CCDC148: variants seen among roughly 807,000 people sequenced by gnomAD.
CCDC148 encodes coiled-coil domain-containing protein 148.
In CCDC148, 89 loss-of-function variants were observed where a neutral mutation model predicts 85.7. The observed-to-expected ratio is 1.04, with a 90% CI of 0.87 to 1.24. The LOEUF (loss-of-function observed/expected upper bound fraction) is 1.24, where lower values mean the gene tolerates loss of function less well. Ranked by LOEUF, CCDC148 falls within the 50% of genes most tolerant of loss-of-function variation. The pLI, the probability that CCDC148 is intolerant of heterozygous loss-of-function variation, is 0.00. For missense variants in CCDC148, 692 were observed against 671.7 expected (o/e 1.03, Z -0.33); for synonymous variants, 230 against 213.9 (o/e 1.08, Z -0.66).
At chr2:158,403,907 G>T (rs1685892836) in intron 1 of CCDC148, among the ~76,000 whole-genome samples, 1 of 152,042 alleles carries the variant, frequency 6.6e-6, no homozygotes, top group Non-Finnish European at 1.5e-5. Flanking sequence ...AACAGCAAAG[G>T]CACAAACAGT....
chr2:158,227,671 A>G (rs1051437248), intron 10 of CCDC148, among the ~76,000 whole-genome samples: 5 of 152,226 alleles, frequency 3.3e-5, no homozygotes, highest in Admixed American at 6.5e-5. Flanking sequence ...CAACCATCTG[A>G]TCTTTGACAA....
chr2:158,229,548 C>T (rs1010392049), intron 10 of CCDC148, among the ~76,000 whole-genome samples: 38 of 152,170 alleles, frequency 2.5e-4, no homozygotes, highest in African/African-American at 8.2e-4. Flanking sequence ...ATTCTAAAAC[C>T]TGTTCACTAT....
At position 158,272,433 on chromosome 2, in the gene CCDC148, G is replaced by T. The variant is rs565521265; in HGVS notation, c.1111-21521C>A. Among the ~76,000 whole-genome samples the T allele has an allele frequency of 2.0e-5, 3 of 152,238 alleles. No individual in the cohort carries two copies. The East Asian group carries it at 5.8e-4, about 29-fold the overall frequency. On this transcript the variant is annotated intron_variant, in intron 9 of 13. Coordinates refer to ENST00000283233, the MANE Select transcript of CCDC148 (RefSeq NM_138803.4). Reference sequence around the variant, plus strand: ...TGGAATAAAGTATTCTTGAATAAAAGTCAAAAAGAAAAAGTACACAACTAC... The same window carrying T: ...TGGAATAAAGTATTCTTGAATAAAATTCAAAAAGAAAAAGTACACAACTAC...
chr2:158,380,454 G>C (rs1684824044), intron 1 of CCDC148, among the ~76,000 whole-genome samples: 1 of 152,126 alleles, frequency 6.6e-6, no homozygotes, highest in Non-Finnish European at 1.5e-5. Context: ...AAGACTGAAA[G>C]ACTGAATTCC....
At chr2:158,449,486 C>T (rs577454962) in intron 1 of CCDC148, among the ~76,000 whole-genome samples, 2 of 150,628 alleles carry the variant, frequency 1.3e-5, no homozygotes, top group South Asian at 2.1e-4. Context: ...CTCGCTCTGT[C>T]GCCCAGGCTG....
At chr2:158,425,318 G>A in intron 1 of CCDC148, 2 of 520,492 alleles carry the variant, frequency 3.8e-6, no homozygotes, top group South Asian at 1.5e-5. Context: ...GGAGGACATT[G>A]GAGAAAACAG....
At chr2:158,234,784 T>C (rs1688021983) in intron 10 of CCDC148, among the ~76,000 whole-genome samples, 2 of 152,188 alleles carry the variant, frequency 1.3e-5, no homozygotes, top group Admixed American at 1.3e-4. Flanking sequence ...AAATAACATA[T>C]ATAGTGTGAT....
At chr2:158,351,951 C>A (rs1268990201) in intron 2 of CCDC148, among the ~76,000 whole-genome samples, 1 of 145,760 alleles carries the variant, frequency 6.9e-6, no homozygotes, top group Non-Finnish European at 1.5e-5. Context: ...GGGAGGCACC[C>A]CCCAGCAGGG....
chr2:158,321,827 T>C (rs910406439), intron 7 of CCDC148, among the ~76,000 whole-genome samples: 87 of 152,292 alleles, frequency 5.7e-4, no homozygotes, highest in African/African-American at 2.0e-3. Context: ...ATGGTTTATT[T>C]TGAAACAAGG....
rs1041204526 is a variant in CCDC148, at chr2:158,331,220, T to A, written c.764+7506A>T. On this transcript the variant is annotated intron_variant, in intron 7 of 13. Coordinates refer to ENST00000283233, the MANE Select transcript of CCDC148 (RefSeq NM_138803.4). ...TCTGGTAGGTTGTCTTTGTTCTCAT[T>A]GGTTTCAAAGAACACCTTTATGTCT... 5.5e-3 allele frequency among the ~76,000 whole-genome samples: 837 copies of A among 152,332 alleles called. 3 individuals are homozygous for A. Among genetic ancestry groups the A allele is most frequent in the African/African-American group, 0.015 (613 of 41,576 alleles).
chr2:158,327,930 G>T (rs1437468116), intron 7 of CCDC148, among the ~76,000 whole-genome samples: 1 of 151,770 alleles, frequency 6.6e-6, no homozygotes, highest in Non-Finnish European at 1.5e-5. Flanking sequence ...TCTTTCATGA[G>T]ATCTTCTAGA....
At chr2:158,372,665 T>C (rs1684496578) in intron 1 of CCDC148, among the ~76,000 whole-genome samples, 1 of 152,018 alleles carries the variant, frequency 6.6e-6, no homozygotes, top group Admixed American at 6.6e-5. Flanking sequence ...ATATCCTATA[T>C]GTAGAATTTT....
chr2:158,269,998 T>C (rs1689630432), intron 9 of CCDC148, among the ~76,000 whole-genome samples: 1 of 152,170 alleles, frequency 6.6e-6, no homozygotes, highest in Non-Finnish European at 1.5e-5. Context: ...ATGCATTTTT[T>C]CCTTCTTTGG....
chr2:158,178,985 C>T lies in CCDC148; in HGVS notation c.1382G>A (p.Arg461Lys). Reference protein sequence around the residue: ...SLKDRERVKYRQELLERRLME... With the variant: ...SLKDRERVKYKQELLERRLME... ...CAAACGCCTTTCCAATAATTCTTGT[C>T]TATATTTAACCCTTTAAAAATAACA... The change falls in exon 12 of 14, where the codon AGA (arginine) becomes AAA (lysine). Residue 461 changes from arginine to lysine, a missense_variant. Physicochemically the swap from Arg to Lys is conservative, Grantham distance 26. Transcript: ENST00000283233. The T allele has an allele frequency of 1.9e-6, 3 of 1,610,872 alleles. No individual in the cohort carries two copies. In the South Asian group the frequency reaches 3.3e-5, roughly 18 times the overall value.
chr2:158,294,685 G>T (rs185281734), intron 9 of CCDC148, among the ~76,000 whole-genome samples: 15 of 152,140 alleles, frequency 9.9e-5, no homozygotes, highest in Admixed American at 7.9e-4. Flanking sequence ...TTAGCCAGGC[G>T]TGGTGGCTGG....
chr2:158,394,687 A>G (rs1055820268), intron 1 of CCDC148, among the ~76,000 whole-genome samples: 1 of 151,860 alleles, frequency 6.6e-6, no homozygotes, highest in African/African-American at 2.4e-5. Context: ...ACCAACTAAA[A>G]CTTGGAGAGT....
chr2:158,328,132 A>G (rs956354837), intron 7 of CCDC148, among the ~76,000 whole-genome samples: 1 of 152,090 alleles, frequency 6.6e-6, no homozygotes, highest in Non-Finnish European at 1.5e-5. Context: ...GTCATCTAAC[A>G]TTAGGTATAT....
chr2:158,283,181 C>T (rs192829031), intron 9 of CCDC148, among the ~76,000 whole-genome samples: 4 of 152,094 alleles, frequency 2.6e-5, no homozygotes, highest in East Asian at 1.9e-4. Flanking sequence ...AAACCCTAGA[C>T]GAAAACCTAG....
intron 1 of CCDC148, among the ~76,000 whole-genome samples, chr2:158,411,213 A>T (rs1289092684): frequency 6.6e-6 from 1 of 152,052 alleles, no homozygotes; most frequent in Non-Finnish European, 1.5e-5. Context: ...TAAAATCTGG[A>T]CATCTATTTC....
Sources: allele counts gnomAD v4.1 joint callset (sites outside exome capture counted in the v4.1 genomes callset), GRCh38; gene constraint gnomAD v4.1.1; transcripts MANE v1.5; gene names NCBI Gene and HGNC (gene_info 2026-07-23, HGNC 2026-07-21).